Variants in DOK6 observed in about 807,000 individuals in gnomAD.
DOK6 encodes the protein downstream of tyrosine kinase 6.
In DOK6, 22 loss-of-function variants were observed where a neutral mutation model predicts 44.0. The observed-to-expected ratio is 0.50, with a 90% CI of 0.36 to 0.71. The LOEUF is 0.71. Ranked by LOEUF, DOK6 falls within the 30% of genes least tolerant of loss-of-function variation. The probability of loss-of-function intolerance (pLI) is 0.00; values close to 1 mark genes in which losing one functional copy is unlikely to be tolerated. For synonymous variants in DOK6, 166 were observed against 145.5 expected (o/e 1.14, Z -1.01); for missense variants, 340 against 416.4 (o/e 0.82, Z 1.60).
intron 3 of DOK6, among the ~76,000 whole-genome samples, chr18:69,621,571 G>A (rs926617253): frequency 1.3e-5 from 2 of 152,168 alleles, no homozygotes; most frequent in African/African-American, 4.8e-5. Context: ...TGACTAAGGA[G>A]TTTAAGCTGG....
At chr18:69,658,276 C>T (rs1331622374) in intron 3 of DOK6, among the ~76,000 whole-genome samples, 1 of 152,078 alleles carries the variant, frequency 6.6e-6, no homozygotes, top group Non-Finnish European at 1.5e-5. Context: ...TAGACTGGGG[C>T]TGGATTGCTG....
chr18:69,484,075 G>A (rs7237442), intron 1 of DOK6, among the ~76,000 whole-genome samples: 36,271 of 151,742 alleles, frequency 0.24, 4,754 homozygotes, highest in East Asian at 0.53. Context: ...GCTCTTAGTG[G>A]ATATCATTGT....
At chr18:69,743,827 A>C (rs75090657) in intron 6 of DOK6, among the ~76,000 whole-genome samples, 2 of 150,950 alleles carry the variant, frequency 1.3e-5, no homozygotes, top group Non-Finnish European at 3.0e-5. Flanking sequence ...TATTAAAAAA[A>C]AAAAAAAAAC....
intron 7 of DOK6, among the ~76,000 whole-genome samples, chr18:69,828,884 G>GTATATATATATAGATATATATATATATA (rs1981820966): frequency 1.1e-5 from 1 of 90,172 alleles, no homozygotes; most frequent in South Asian, 4.6e-4. Context: ...ACATTTATGT[G>GTATATATATATAGATATATATATATATA]TATATATATA....
intron 1 of DOK6, among the ~76,000 whole-genome samples, chr18:69,479,423 G>A (rs1037797893): frequency 6.6e-6 from 1 of 152,114 alleles, no homozygotes; most frequent in Non-Finnish European, 1.5e-5. Context: ...ATATAAAAGG[G>A]ATGTCGAGCC....
intron 7 of DOK6, 24 bp from the exon 8 acceptor site, chr18:69,841,220 G>C (rs757603917): frequency 1.9e-6 from 3 of 1,614,044 alleles, no homozygotes; most frequent in Non-Finnish European, 8.5e-7. Flanking sequence ...TTTCTCAGTA[G>C]AGCTCTCCTT....
chr18:69,699,855 G>A (rs145051211), intron 5 of DOK6, among the ~76,000 whole-genome samples: 52 of 151,936 alleles, frequency 3.4e-4, no homozygotes, highest in African/African-American at 1.1e-3. Flanking sequence ...ATTTTCACAC[G>A]CTGATAAAGA....
chr18:69,787,671 C>T (rs1790940), intron 7 of DOK6, among the ~76,000 whole-genome samples: 62,042 of 151,862 alleles, frequency 0.41, 14,507 homozygotes, highest in East Asian at 0.58. Flanking sequence ...ATCTAGGGCA[C>T]GCTGCTAAAC....
At chr18:69,635,814 G>A (rs1386306688) in intron 3 of DOK6, among the ~76,000 whole-genome samples, 1 of 152,212 alleles carries the variant, frequency 6.6e-6, no homozygotes, top group Non-Finnish European at 1.5e-5. Flanking sequence ...GAGGTGCAAT[G>A]TTGGGGGTTT....
At chr18:69,796,045 C>T (rs1188080729) in intron 7 of DOK6, among the ~76,000 whole-genome samples, 1 of 152,124 alleles carries the variant, frequency 6.6e-6, no homozygotes, top group South Asian at 2.1e-4. Flanking sequence ...AATGAAATGT[C>T]ACAGCAATTA....
At chr18:69,779,504 T>A (rs1386473060) in intron 7 of DOK6, among the ~76,000 whole-genome samples, 1 of 151,738 alleles carries the variant, frequency 6.6e-6, no homozygotes, top group African/African-American at 2.4e-5. Flanking sequence ...GCAAGAAATG[T>A]CAGTGTTGTT....
intron 1 of DOK6, among the ~76,000 whole-genome samples, chr18:69,506,258 G>A (rs766175880): frequency 2.0e-5 from 3 of 152,044 alleles, no homozygotes; most frequent in African/African-American, 4.8e-5. Flanking sequence ...AGAAATTAAG[G>A]TATGTTTACA....
chr18:69,454,693 A>T (rs1979571539), intron 1 of DOK6, among the ~76,000 whole-genome samples: 1 of 128,610 alleles, frequency 7.8e-6, no homozygotes, highest in African/African-American at 2.8e-5. Context: ...GATTAAGAAA[A>T]TGTGGCACAT....
chr18:69,403,897 G>A (rs560598289), intron 1 of DOK6, among the ~76,000 whole-genome samples: 1 of 152,064 alleles, frequency 6.6e-6, no homozygotes, highest in East Asian at 1.9e-4. Flanking sequence ...CTAATTTTAT[G>A]GACTCAAAAC....
At chr18:69,509,463 CCG>C (rs1981291913) in intron 1 of DOK6, among the ~76,000 whole-genome samples, 1 of 151,884 alleles carries the variant, frequency 6.6e-6, no homozygotes, top group Non-Finnish European at 1.5e-5. Flanking sequence ...TGGTGAAACC[CCG>C]TCTCTACTAA....
chr18:69,553,453 C>A lies in DOK6; in HGVS notation c.67-11034C>A, dbSNP rs547533854. 4.6e-5 allele frequency among the ~76,000 whole-genome samples: 7 copies of A among 152,204 alleles called. No individual in the cohort carries two copies. In the South Asian group the frequency reaches 1.5e-3, roughly 32 times the overall value. ...ATATTATGATGTGGAAATAGGTGGG[C>A]CAGAGAGATGGGCTGAAAACAGAGG... On this transcript the variant is annotated intron_variant, in intron 1 of 7. Transcript: ENST00000382713.
intron 7 of DOK6, among the ~76,000 whole-genome samples, chr18:69,786,762 A>C (rs2097817920): frequency 6.6e-6 from 1 of 152,276 alleles, no homozygotes; most frequent in African/African-American, 2.4e-5. Context: ...AATTAAATAC[A>C]GTAAACTTTG....
chr18:69,727,881 G>A (rs1051068835), intron 5 of DOK6, among the ~76,000 whole-genome samples: 1 of 152,136 alleles, frequency 6.6e-6, no homozygotes, highest in African/African-American at 2.4e-5. Flanking sequence ...TCACCTTGGT[G>A]TGATACTATT....
Position 69,566,737 on chromosome 18 carries a change from G to A in DOK6, c.174+2143G>A, listed in dbSNP as rs147287026. ...TCAATTCAATATAGCAAGTACAGAT[G>A]GAGAAGTATTTATAGATTGCTGAAG... On this transcript the variant is annotated intron_variant, in intron 2 of 7. Coordinates refer to ENST00000382713, the MANE Select transcript of DOK6 (RefSeq NM_152721.6). Among the ~76,000 whole-genome samples the A allele has an allele frequency of 3.7e-3, 561 of 152,270 alleles. 1 individual carries two copies. The highest frequency in any genetic ancestry group is 0.012 in the African/African-American group (517 of 41,546).
Sources: gnomAD v4.1 joint callset for allele counts (sites outside exome capture counted in the v4.1 genomes callset) on GRCh38, gnomAD v4.1.1 for gene constraint, MANE v1.5 for transcripts, NCBI Gene and HGNC (gene_info 2026-07-23, HGNC 2026-07-21) for gene names.